The following ECE2 variants were observed in gnomAD, a reference collection of about 807,000 sequenced individuals.
ECE2 encodes the protein endothelin-converting enzyme 2.
In ECE2, 81 loss-of-function variants were observed where a neutral mutation model predicts 100.6. The ratio of observed to expected loss-of-function variants is 0.81; its 90% CI spans 0.67 to 0.97. ECE2 has a LOEUF of 0.97. ECE2 is among the 50% of genes least tolerant of loss of function. ECE2 has a pLI of 0.00. For synonymous variants in ECE2, 391 were observed against 391.5 expected (o/e 1.00, Z 0.02); for missense variants, 911 against 988.1 (o/e 0.92, Z 1.05).
chr3:184,276,982 CT>C lies in ECE2; in HGVS notation c.218del (p.Leu73ArgfsTer9). On this transcript the variant is annotated frameshift_variant, in exon 3 of 19. Transcript: ENST00000404464. LOFTEE classifies it high-confidence loss of function. ...AGGTGCCTCTCTACTGCTGGCTGCA[CT>C]GCTTCTGGGCTGCCTTGTGGCCCTA... Reference protein sequence around the residue: ...LAGASLLLAALLLGCLVALGV... With the variant: ...LAGASLLLAAXLLGCLVALGV... 1 of 1,614,134 alleles carries C rather than the reference CT, an allele frequency of 6.2e-7. No homozygotes were observed. The highest frequency in any genetic ancestry group is 8.5e-7 in the Non-Finnish European group (1 of 1,180,010).
At position 184,285,548 on chromosome 3, in the gene ECE2, TC is replaced by T. The variant is rs1721004744; in HGVS notation, c.1220del (p.Ser407LeufsTer41). On this transcript the variant is annotated frameshift_variant, in exon 10 of 19. Transcript: ENST00000404464. LOFTEE classifies it high-confidence loss of function. ...TTSSLDRRFESAQEKLLETLY... is the reference protein window; with the variant it reads ...TTSSLDRRFEXAQEKLLETLY... Reference sequence around the variant, plus strand: ...CTCAAGCCTGGACCGACGCTTTGAGTCTGCACAAGAGAAGCTGCTGGAGACC... The same window carrying T: ...CTCAAGCCTGGACCGACGCTTTGAGTTGCACAAGAGAAGCTGCTGGAGACC... The T allele has an allele frequency of 6.2e-7, 1 of 1,613,984 alleles. No homozygotes were observed. Among genetic ancestry groups the T allele is most frequent in the African/African-American group, 1.3e-5 (1 of 74,892 alleles).
At chr3:184,285,677 A>G (rs989737884) in intron 10 of ECE2, 85 bp downstream of exon 10, 3 of 1,027,314 alleles carry the variant, frequency 2.9e-6, no homozygotes, top group Middle Eastern at 2.1e-4. Context: ...CATGTGCCTC[A>G]TGGTGCACAG....
At chr3:184,279,076 G>A (rs544607389) in intron 7 of ECE2, among the ~76,000 whole-genome samples, 15 of 152,192 alleles carry the variant, frequency 9.9e-5, no homozygotes, top group Admixed American at 2.0e-4. Context: ...TTGGGAGGCC[G>A]AGGTGGGTGG....
At chr3:184,277,762 A>T (rs1220567103) in intron 4 of ECE2, among the ~76,000 whole-genome samples, 163 bp from the exon 5 acceptor site, 1 of 152,166 alleles carries the variant, frequency 6.6e-6, no homozygotes, top group East Asian at 1.9e-4. Flanking sequence ...GTCTCCATGG[A>T]CAGGGAGAGG....
Position 184,278,194 on chromosome 3 carries a change from T to C in ECE2, c.631T>C (p.Trp211Arg). 6.2e-7 allele frequency: 1 copy of C among 1,614,100 alleles called. No homozygotes were observed. The highest frequency in any genetic ancestry group is 8.5e-7 in the Non-Finnish European group (1 of 1,180,004). The change falls in exon 6 of 19, where the codon TGG becomes CGG. Residue 211 changes from tryptophan to arginine, a missense_variant. By Grantham distance (101) the Trp-to-Arg change is moderately radical. Transcript: ENST00000404464. ...TGGTGGTTGGAACATTACGGGGCCC[T>C]GGGACCAGGACAACTTTATGGAGGT... is the stretch of plus-strand genomic sequence containing the variant. ...KIGGWNITGP[W>R]DQDNFMEVLK...
chr3:184,283,951 A>T lies in ECE2; in HGVS notation c.983A>T (p.Lys328Met). The T allele has an allele frequency of 6.2e-7, 1 of 1,613,976 alleles. No homozygotes were observed. The highest frequency in any genetic ancestry group is 1.1e-5 in the South Asian group (1 of 91,074). The change falls in exon 8 of 19, where the codon AAG becomes ATG. Residue 328 changes from lysine to methionine, a missense_variant. By Grantham distance (95) the Lys-to-Met change is moderately conservative. Coordinates refer to ENST00000404464, the MANE Select transcript of ECE2 (RefSeq NM_001100121.2). ...CGCGACGAGGAGAAGATCTACCACA[A>T]GATGAGCATTTCGGAGCTGCAGGTG... ...QRRDEEKIYHKMSISELQALA... is the reference protein window; with the variant it reads ...QRRDEEKIYHMMSISELQALA...
intron 7 of ECE2, among the ~76,000 whole-genome samples, chr3:184,280,971 T>A: frequency 6.7e-6 from 1 of 148,164 alleles, no homozygotes. Context: ...AGAGCAAGAC[T>A]CTGTCTCAAA....
In ECE2 at chr3:184,279,309, C is replaced by CAA. The variant is rs60647349; in HGVS notation, c.816+770_816+771dup. ...TGGGTGACGGAGAGAGACTCCGACT[C>CAA]AAAAAAAAAAAAAAAAAAAGAAAGA... On this transcript the variant is annotated intron_variant, in intron 7 of 18. Transcript: ENST00000404464. 6.4e-3 allele frequency among the ~76,000 whole-genome samples: 500 copies of CAA among 78,722 alleles called. 2 individuals carry two copies. Among genetic ancestry groups the CAA allele is most frequent in the African/African-American group, 8.7e-3 (182 of 20,814 alleles). 51.6% of individuals were successfully genotyped at this position (78,722 alleles called of 152,430 possible). A position where few individuals can be genotyped will look rare whatever the true frequency, so the allele number is the denominator to read the frequency against.
rs1345083533 is a variant in ECE2 at position 184,283,988 on chromosome 3, G to C, written c.1005+15G>C. 2.5e-6 allele frequency: 4 copies of C among 1,612,582 alleles called. No individual in the cohort carries two copies. The highest frequency in any genetic ancestry group is 1.3e-5 in the African/African-American group (1 of 74,854). On this transcript the variant is annotated intron_variant, in intron 8 of 18. Transcript: ENST00000404464. ...CGGAGCTGCAGGTGGGGCAGGCAGGGGGCTGGAGACAACTGAGAGGGGCCA... is the reference window on the plus strand; with the variant it reads ...CGGAGCTGCAGGTGGGGCAGGCAGGCGGCTGGAGACAACTGAGAGGGGCCA...
chr3:184,284,757 G>A (rs927940141), intron 8 of ECE2, among the ~76,000 whole-genome samples: 2 of 152,164 alleles, frequency 1.3e-5, no homozygotes, highest in Non-Finnish European at 2.9e-5. Flanking sequence ...GTCACATGTA[G>A]TGGTTATCCT....
chr3:184,288,099 A>G (rs1392794128), intron 11 of ECE2, 152 bp downstream of exon 11: 6 of 619,268 alleles, frequency 9.7e-6, no homozygotes, highest in Non-Finnish European at 1.4e-5. Context: ...TCATGGGGTC[A>G]GGAGTTCGAG....
Position 184,290,565 on chromosome 3 carries a change from T to A in ECE2, c.1664T>A (p.Met555Lys). The change falls in exon 15 of 19, where the codon ATG (methionine) becomes AAG (lysine). Residue 555 changes from methionine to lysine, a missense_variant. Transcript: ENST00000404464. ...RKPPSRDQWS[M>K]TPQTVNAYYL... ...CACTCTTCCTCCGCCAGGTGGAGCA[T>A]GACCCCCCAGACAGTGAATGCCTAC... 1 of 1,614,064 alleles carries A rather than the reference T, an allele frequency of 6.2e-7. No individual in the cohort carries two copies. Among genetic ancestry groups the A allele is most frequent in the Non-Finnish European group, 8.5e-7 (1 of 1,179,962 alleles).
At chr3:184,279,098 T>C (rs1257789144) in intron 7 of ECE2, among the ~76,000 whole-genome samples, 2 of 151,462 alleles carry the variant, frequency 1.3e-5, no homozygotes, top group Admixed American at 6.6e-5. Flanking sequence ...TCACCTGAGG[T>C]CAGGAGTTCG....
intron 7 of ECE2, among the ~76,000 whole-genome samples, chr3:184,279,088 T>C (rs562711577): frequency 3.9e-5 from 6 of 151,932 alleles, no homozygotes; most frequent in Admixed American, 3.9e-4. Context: ...GGTGGGTGGA[T>C]CACCTGAGGT....
intron 11 of ECE2, 29 bp downstream of exon 11, chr3:184,287,976 T>A: frequency 6.3e-7 from 1 of 1,599,446 alleles, no homozygotes; most frequent in Non-Finnish European, 8.6e-7. Flanking sequence ...TTCAACACTA[T>A]GCCCTCAAAA....
chr3:184,292,046 C>G lies in ECE2; in HGVS notation c.2122-16C>G, dbSNP rs1721350018. On this transcript the variant is annotated splice_polypyrimidine_tract_variant and intron_variant, in intron 18 of 18. Transcript: ENST00000404464. ...CACTAGACACCATATGCCCCCATGT[C>G]TGTCCTGGCCCGCAGGTGTGGTGCT... is the stretch of plus-strand genomic sequence containing the variant. 1 of 1,603,652 alleles carries G rather than the reference C, an allele frequency of 6.2e-7. No individual in the cohort carries two copies. Among genetic ancestry groups the G allele is most frequent in the Admixed American group, 1.7e-5 (1 of 59,470 alleles).
At chr3:184,277,556 G>A in intron 4 of ECE2, 90 bp downstream of exon 4, 1 of 1,358,776 alleles carries the variant, frequency 7.4e-7, no homozygotes. Context: ...CAGTGTCCAT[G>A]AATGAGGAAG....
At position 184,291,970 on chromosome 3, in the gene ECE2, G is replaced by T; in HGVS notation, c.2122-92G>T. On this transcript the variant is annotated intron_variant, in intron 18 of 18. Transcript: ENST00000404464. The surrounding 1 kb of genome is among the most constrained non-coding windows in gnomAD (Gnocchi z 4.1). ...GGAACTTGGGAGGGGCTGCAGCGGT[G>T]GTGGTTTGTGCCCCTGGGATGGCTG... 7.0e-7 allele frequency: 1 copy of T among 1,432,892 alleles called. No homozygotes were observed. Among genetic ancestry groups the T allele is most frequent in the Non-Finnish European group, 9.5e-7 (1 of 1,050,830 alleles). The allele number at this position is 1,432,892 out of a possible 1,614,324, so 88.8% of individuals were successfully genotyped here.
intron 7 of ECE2, 46 bp from the exon 8 acceptor site, chr3:184,283,739 G>T (rs554811170): frequency 5.6e-6 from 9 of 1,594,804 alleles, no homozygotes; most frequent in Non-Finnish European, 7.7e-6. Flanking sequence ...CTCAGCCTTG[G>T]GCAGGACTTG....
Sources: allele counts gnomAD v4.1 joint callset (sites outside exome capture counted in the v4.1 genomes callset), GRCh38; gene constraint gnomAD v4.1.1; non-coding constraint Gnocchi (gnomAD v3.1); transcripts MANE v1.5; gene names NCBI Gene and HGNC (gene_info 2026-07-23, HGNC 2026-07-21).